The following SLC6A7 variants were observed in gnomAD, a reference collection of about 807,000 sequenced individuals.
The protein encoded by SLC6A7 is sodium-dependent proline transporter.
Under a neutral mutation model 73.1 loss-of-function variants are expected in SLC6A7, and 58 were observed. The ratio of observed to expected loss-of-function variants is 0.79; its 90% CI spans 0.64 to 0.99. The LOEUF (loss-of-function observed/expected upper bound fraction) is 0.99. Among genes scored for constraint, SLC6A7 ranks in the 50% least tolerant of loss-of-function variants. The pLI, the probability that SLC6A7 is intolerant of heterozygous loss-of-function variation, is 0.00. For missense variants in SLC6A7, 783 were observed against 831.4 expected, an observed-to-expected ratio of 0.94 and a Z score of 0.72; for synonymous variants, 338 against 338.7, an observed-to-expected ratio of 1.00 and a Z score of 0.02.
intron 7 of SLC6A7, 44 bp downstream of exon 7, chr5:150,202,494 GA>G (rs2113981799): frequency 6.2e-7 from 1 of 1,611,164 alleles, no homozygotes; most frequent in East Asian, 2.2e-5. Context: ...CCAAAGCAGG[GA>G]GGAGAGTGGC....
At chr5:150,196,238 G>C (rs1753014191) in intron 2 of SLC6A7, among the ~76,000 whole-genome samples, 1 of 152,198 alleles carries the variant, frequency 6.6e-6, no homozygotes, top group Non-Finnish European at 1.5e-5. Flanking sequence ...AGAGTCATAT[G>C]GTGGTGGGCA....
rs150371631 is a variant in SLC6A7, at chr5:150,207,695, C to T, written c.1702-1711C>T. On this transcript the variant is annotated intron_variant, in intron 13 of 13. Coordinates refer to ENST00000230671, the MANE Select transcript of SLC6A7 (RefSeq NM_014228.5). ...ACGCCACCACTTCCCACCTGTGTGA[C>T]CTTGGCCAACTTAACTGATCTCTCT... is the stretch of plus-strand genomic sequence containing the variant. 3.7e-3 allele frequency among the ~76,000 whole-genome samples: 561 copies of T among 152,316 alleles called. 1 individual carries two copies. The highest frequency in any genetic ancestry group is 0.013 in the African/African-American group (529 of 41,560).
Position 150,204,455 on chromosome 5 carries a change from A to C in SLC6A7, c.1333-77A>C. On this transcript the variant is annotated intron_variant, in intron 10 of 13. Transcript: ENST00000230671. ...CTGTCAGCATGGCTGCTTCCTGCTC[A>C]CTTCTTGCCAGGAGAAGGGGCTGTA... 8 of 1,134,636 alleles carry C rather than the reference A, an allele frequency of 7.1e-6. No individual in the cohort carries two copies. In the Admixed American group the frequency reaches 1.2e-4, roughly 17 times the overall value. 70.3% of individuals were successfully genotyped at this position (1,134,636 alleles called of 1,614,324 possible).
At chr5:150,195,104 C>G in intron 2 of SLC6A7, 193 bp downstream of exon 2, 2 of 542,836 alleles carry the variant, frequency 3.7e-6, no homozygotes, top group East Asian at 5.8e-5. Flanking sequence ...CACCCAAGCC[C>G]TTCCTTCCTC....
chr5:150,199,328 T>A lies in SLC6A7; in HGVS notation c.685T>A (p.Phe229Ile). The A allele has an allele frequency of 6.2e-7, 1 of 1,614,090 alleles. No individual in the cohort carries two copies. Among genetic ancestry groups the A allele is most frequent in the Non-Finnish European group, 8.5e-7 (1 of 1,179,968 alleles). Residue 229 changes from phenylalanine (F) to isoleucine (I), a missense_variant, in exon 5 of 14, where the codon TTC becomes ATC. Transcript: ENST00000230671. ...LCLLLAWVIV[F>I]LCILKGVKSS... ...CCTGCTGCTGGCCTGGGTCATCGTG[T>A]TCCTCTGTATCCTCAAGGGTGTGAA...
chr5:150,190,277 C>T lies in SLC6A7; in HGVS notation c.-51C>T. The T allele has an allele frequency of 5.4e-6, 8 of 1,481,686 alleles. No homozygotes were observed. Among genetic ancestry groups the T allele is most frequent in the Non-Finnish European group, 7.2e-6 (8 of 1,107,100 alleles). 91.8% of individuals were successfully genotyped at this position (1,481,686 alleles called of 1,614,324 possible). The stretch of plus-strand genomic sequence containing the variant: ...TGGCCAGCGGACCATCTCTCGTGCC[C>T]TCGCTCTCTGCGCTCCGGGGCAGCT... On this transcript the variant is annotated 5_prime_UTR_variant, in exon 1 of 14. Coordinates refer to ENST00000230671, the MANE Select transcript of SLC6A7 (RefSeq NM_014228.5).
chr5:150,191,447 T>C (rs1343351448), intron 1 of SLC6A7, among the ~76,000 whole-genome samples: 2 of 151,876 alleles, frequency 1.3e-5, no homozygotes, highest in African/African-American at 2.4e-5. Flanking sequence ...TTTTTTTTTT[T>C]TGAGACGGAG....
At chr5:150,199,652 G>C (rs535203790) in intron 5 of SLC6A7, among the ~76,000 whole-genome samples, 1 of 152,336 alleles carries the variant, frequency 6.6e-6, no homozygotes, top group Admixed American at 6.5e-5. Context: ...CTCAGCAAGA[G>C]TTTGTTGAAC....
chr5:150,195,498 T>G (rs539135945), intron 2 of SLC6A7, among the ~76,000 whole-genome samples: 14 of 152,364 alleles, frequency 9.2e-5, no homozygotes, highest in Admixed American at 3.3e-4. Flanking sequence ...CTGGGCTTGG[T>G]GCTTGCTGTG....
rs1489707892 is a variant in SLC6A7 at position 150,198,119 on chromosome 5, AAG to A, written c.584+845_584+846del. On this transcript the variant is annotated intron_variant, in intron 4 of 13. Coordinates refer to ENST00000230671, the MANE Select transcript of SLC6A7 (RefSeq NM_014228.5). Reference sequence around the variant, plus strand: ...AGAAAGAAAGAAAGAAAGAAAGAGAAAGAAAGAAAGAAAGAAAGAAAGCAAAG... The same window carrying A: ...AGAAAGAAAGAAAGAAAGAAAGAGAAAAAGAAAGAAAGAAAGAAAGCAAAG... Among the ~76,000 whole-genome samples the A allele has an allele frequency of 1.9e-3, 97 of 50,408 alleles. 1 individual carries two copies. The East Asian group carries it at 0.035, about 18-fold the overall frequency. 33.1% of individuals were successfully genotyped at this position (50,408 alleles called of 152,430 possible).
intron 5 of SLC6A7, among the ~76,000 whole-genome samples, chr5:150,200,359 G>A (rs1348213545): frequency 6.6e-6 from 1 of 152,160 alleles, no homozygotes; most frequent in African/African-American, 2.4e-5. Flanking sequence ...CGGGCATGAT[G>A]GCAGGTGCCT....
chr5:150,209,649 G>A lies in SLC6A7; in HGVS notation c.*34G>A. 6.7e-7 allele frequency: 1 copy of A among 1,493,198 alleles called. No individual in the cohort carries two copies. Among genetic ancestry groups the A allele is most frequent in the Non-Finnish European group, 9.2e-7 (1 of 1,090,712 alleles). The allele number at this position is 1,493,198 out of a possible 1,614,324, so 92.5% of individuals were successfully genotyped here. Reference sequence around the variant, plus strand: ...GCAGGCGGGCAGAAGGCCCTGCCCGGGACCTCACAGTCCCTTCTTAGAAGC... The same window carrying A: ...GCAGGCGGGCAGAAGGCCCTGCCCGAGACCTCACAGTCCCTTCTTAGAAGC... On this transcript the variant is annotated 3_prime_UTR_variant, in exon 14 of 14. Coordinates refer to ENST00000230671, the MANE Select transcript of SLC6A7 (RefSeq NM_014228.5).
chr5:150,200,002 T>G (rs1753283931), intron 5 of SLC6A7, among the ~76,000 whole-genome samples: 1 of 152,160 alleles, frequency 6.6e-6, no homozygotes, highest in African/African-American at 2.4e-5. Flanking sequence ...AATTAATCCC[T>G]GTGGCCCGGA....
rs1266493421 is a variant in SLC6A7, at chr5:150,210,671, G to A, written c.*1056G>A. 6.6e-6 allele frequency: 1 copy of A among 152,430 alleles called. No individual in the cohort carries two copies. Among genetic ancestry groups the A allele is most frequent in the Non-Finnish European group, 1.5e-5 (1 of 68,114 alleles). The allele number at this position is 152,430 out of a possible 1,614,324, so 9.4% of individuals were successfully genotyped here. On this transcript the variant is annotated 3_prime_UTR_variant, in exon 14 of 14. Transcript: ENST00000230671. ...CCTCTCTTCCCATCTCCCTTGTCCT[G>A]GTGGCCTTCAGTGTCTCTTCCAGTT...
Position 150,209,436 on chromosome 5 carries a change from G to T in SLC6A7, c.1732G>T (p.Asp578Tyr). 1.9e-6 allele frequency: 3 copies of T among 1,613,922 alleles called. No individual in the cohort carries two copies. Among genetic ancestry groups the T allele is most frequent in the Non-Finnish European group, 2.5e-6 (3 of 1,180,044 alleles). The change falls in exon 14 of 14, where the codon GAC becomes TAC. Residue 578 changes from aspartate to tyrosine, a missense_variant. Physicochemically the swap from Asp to Tyr is radical, Grantham distance 160 (BLOSUM62 -3). Transcript: ENST00000230671. Reference protein sequence around the residue: ...RLQQASRPAMDWGPSLEENRT... With the variant: ...RLQQASRPAMYWGPSLEENRT... ...CCAACAGGCCAGCCGGCCGGCCATGGACTGGGGACCATCGCTGGAGGAGAA... is the reference window on the plus strand; with the variant it reads ...CCAACAGGCCAGCCGGCCGGCCATGTACTGGGGACCATCGCTGGAGGAGAA...
chr5:150,203,101 G>A (rs146797851), intron 8 of SLC6A7, among the ~76,000 whole-genome samples: 14 of 152,036 alleles, frequency 9.2e-5, no homozygotes, highest in African/African-American at 3.4e-4. Context: ...ATTGTGGATG[G>A]GTATGTCATG....
At chr5:150,205,422 G>A in intron 12 of SLC6A7, 34 bp from the exon 13 acceptor site, 1 of 1,559,526 alleles carries the variant, frequency 6.4e-7, no homozygotes, top group Non-Finnish European at 8.7e-7. Context: ...TTAGACAAAA[G>A]CCCGCAGTGA....
In SLC6A7 at chr5:150,208,596, G is replaced by A. The variant is rs558224701; in HGVS notation, c.1702-810G>A. On this transcript the variant is annotated intron_variant, in intron 13 of 13. Transcript: ENST00000230671. ...ATCTTCCTAAGTATCACTGTGCTGT[G>A]AGTACCGAGCTGTGGGAGACCCCGG... Among the ~76,000 whole-genome samples the A allele has an allele frequency of 2.6e-5, 4 of 152,318 alleles. No individual in the cohort carries two copies. In the South Asian group the frequency reaches 8.3e-4, roughly 32 times the overall value.
At chr5:150,199,184 C>T (rs1753237778) in intron 4 of SLC6A7, 44 bp from the exon 5 acceptor site, 5 of 1,537,726 alleles carry the variant, frequency 3.3e-6, no homozygotes, top group South Asian at 1.3e-5. Context: ...TCTGTGGAGC[C>T]TGGTGGGGTG....
Sources: allele counts gnomAD v4.1 joint callset (sites outside exome capture counted in the v4.1 genomes callset), GRCh38; gene constraint gnomAD v4.1.1; transcripts MANE v1.5; gene names NCBI Gene and HGNC (gene_info 2026-07-23, HGNC 2026-07-21).